MAD1L1: variants seen among roughly 807,000 people sequenced by gnomAD.
MAD1L1 encodes mitotic spindle assembly checkpoint protein MAD1.
Under a neutral mutation model 96.9 loss-of-function variants are expected in MAD1L1, and 95 were observed. The observed-to-expected ratio is 0.98, with a 90% CI of 0.83 to 1.16. The LOEUF (loss-of-function observed/expected upper bound fraction) is 1.16, where lower values mean the gene tolerates loss of function less well. Ranked by LOEUF, MAD1L1 falls within the 50% of genes most tolerant of loss-of-function variation. The pLI is 0.00. For synonymous variants in MAD1L1, 473 were observed against 396.6 expected (o/e 1.19, Z -2.29); for missense variants, 1,007 against 954.4 (o/e 1.06, Z -0.73).
chr7:1,957,851 T>C, intron 15 of MAD1L1, 132 bp from the exon 16 acceptor site: 1 of 717,810 alleles, frequency 1.4e-6, no homozygotes, highest in Non-Finnish European at 2.4e-6. Flanking sequence ...TACATATCTG[T>C]GAAGCTCTCA....
intron 17 of MAD1L1, among the ~76,000 whole-genome samples, chr7:1,914,476 G>A (rs1411013246): frequency 1.3e-5 from 2 of 152,244 alleles, no homozygotes; most frequent in South Asian, 2.1e-4. Flanking sequence ...GCCAAGGCAC[G>A]TGGGTGCTTC....
intron 18 of MAD1L1, among the ~76,000 whole-genome samples, chr7:1,866,172 G>A (rs1011271830): frequency 6.6e-6 from 1 of 152,206 alleles, no homozygotes; most frequent in African/African-American, 2.4e-5. Flanking sequence ...GGTGCACACT[G>A]GGAGCCAGGT....
chr7:1,982,531 T>C (rs775725447), intron 14 of MAD1L1, among the ~76,000 whole-genome samples: 1 of 152,192 alleles, frequency 6.6e-6, no homozygotes, highest in Non-Finnish European at 1.5e-5. Context: ...TTCTAACTTA[T>C]CTTTGTATAC....
intron 12 of MAD1L1, among the ~76,000 whole-genome samples, chr7:2,016,073 A>G (rs1259899575): frequency 6.6e-6 from 1 of 152,164 alleles, no homozygotes; most frequent in African/African-American, 2.4e-5. Flanking sequence ...TGTTGATAAG[A>G]TGGGAAATGG....
chr7:1,843,957 T>C (rs1477233006), intron 18 of MAD1L1, among the ~76,000 whole-genome samples: 1 of 152,188 alleles, frequency 6.6e-6, no homozygotes, highest in African/African-American at 2.4e-5. Context: ...ACTCAGAAGT[T>C]TGGTTTCTTC....
Position 2,138,029 on chromosome 7 carries a change from C to T in MAD1L1, c.1073+11123G>A, listed in dbSNP as rs143158760. Among the ~76,000 whole-genome samples, 253 of 152,356 alleles carry T rather than the reference C, an allele frequency of 1.7e-3. 1 individual carries two copies. The highest frequency in any genetic ancestry group is 6.8e-3 in the Middle Eastern group (2 of 294). On this transcript the variant is annotated intron_variant, in intron 11 of 18. Coordinates refer to ENST00000265854, the MANE Select transcript of MAD1L1 (RefSeq NM_001013836.2). ...TCACAGGGCGTTTCTGTACTGACAG[C>T]GCGGGCCAGCCCATGATCAGAGCAC... is the stretch of plus-strand genomic sequence containing the variant.
intron 18 of MAD1L1, among the ~76,000 whole-genome samples, chr7:1,897,617 G>T (rs569119174): frequency 6.6e-6 from 1 of 152,318 alleles, no homozygotes; most frequent in South Asian, 2.1e-4. Context: ...GTTGGACCCC[G>T]CTCGCCCGAG....
intron 18 of MAD1L1, among the ~76,000 whole-genome samples, chr7:1,886,132 G>A (rs1265764751): frequency 6.6e-6 from 1 of 152,228 alleles, no homozygotes; most frequent in Non-Finnish European, 1.5e-5. Context: ...GCAGCACTGT[G>A]AGGGCCAGGT....
rs375668925 is a variant in MAD1L1, at chr7:2,097,047, C to T, written c.1074-27709G>A. Among the ~76,000 whole-genome samples, 380 of 152,284 alleles carry T rather than the reference C, an allele frequency of 2.5e-3. 1 individual carries two copies. Among genetic ancestry groups the T allele is most frequent in the African/African-American group, 8.9e-3 (370 of 41,538 alleles). ...TGACATGGTTATGATAAACGCACCA[C>T]GGGTATCCCCCACACCAGCTGCAAG... On this transcript the variant is annotated intron_variant, in intron 11 of 18. Coordinates refer to ENST00000265854, the MANE Select transcript of MAD1L1 (RefSeq NM_001013836.2).
At chr7:1,924,268 G>T (rs545853661) in intron 17 of MAD1L1, among the ~76,000 whole-genome samples, 1 of 152,318 alleles carries the variant, frequency 6.6e-6, no homozygotes, top group East Asian at 1.9e-4. Flanking sequence ...TCCTTCTCGC[G>T]GCAGGGTGGC....
intron 16 of MAD1L1, among the ~76,000 whole-genome samples, chr7:1,952,112 T>C (rs1779525171): frequency 6.6e-6 from 1 of 152,094 alleles, no homozygotes; most frequent in Admixed American, 6.5e-5. Flanking sequence ...CTTTCCTTTC[T>C]CCCTAGGCTG....
At chr7:2,045,751 C>T (rs778841958) in intron 12 of MAD1L1, among the ~76,000 whole-genome samples, 11 of 151,982 alleles carry the variant, frequency 7.2e-5, no homozygotes, top group Non-Finnish European at 1.6e-4. Context: ...GGGAGGGGAG[C>T]GGGACATGGG....
At chr7:2,201,671 T>C (rs1792307570) in intron 10 of MAD1L1, among the ~76,000 whole-genome samples, 1 of 152,126 alleles carries the variant, frequency 6.6e-6, no homozygotes, top group African/African-American at 2.4e-5. Flanking sequence ...CGAGACCAAG[T>C]GATAGCGTTT....
At chr7:1,938,472 T>G (rs1778727610) in intron 16 of MAD1L1, among the ~76,000 whole-genome samples, 1 of 151,736 alleles carries the variant, frequency 6.6e-6, no homozygotes, top group African/African-American at 2.4e-5. Flanking sequence ...ACTGAAACAG[T>G]GGAAAGGCAC....
chr7:2,068,199 G>A (rs1260367027), intron 12 of MAD1L1, among the ~76,000 whole-genome samples: 1 of 152,224 alleles, frequency 6.6e-6, no homozygotes, highest in African/African-American at 2.4e-5. Flanking sequence ...TCTGAGCTAT[G>A]CGCAGGGGCC....
At chr7:1,861,356 A>C (rs1051786473) in intron 18 of MAD1L1, among the ~76,000 whole-genome samples, 9 of 152,178 alleles carry the variant, frequency 5.9e-5, no homozygotes, top group African/African-American at 2.2e-4. Context: ...GTGGGGACTA[A>C]AGGCCACAAG....
chr7:2,067,384 C>T (rs1467900859), intron 12 of MAD1L1, among the ~76,000 whole-genome samples: 2 of 152,130 alleles, frequency 1.3e-5, no homozygotes, highest in Non-Finnish European at 2.9e-5. Context: ...AGAGAAAGGC[C>T]CAGCTCCCAG....
At chr7:2,165,943 G>T (rs982626326) in intron 10 of MAD1L1, among the ~76,000 whole-genome samples, 7 of 152,186 alleles carry the variant, frequency 4.6e-5, no homozygotes, top group African/African-American at 1.7e-4. Flanking sequence ...ACTCCAGTGT[G>T]GTTACTGTGG....
At chr7:2,036,547 C>T (rs1783445713) in intron 12 of MAD1L1, among the ~76,000 whole-genome samples, 1 of 152,194 alleles carries the variant, frequency 6.6e-6, no homozygotes, top group Non-Finnish European at 1.5e-5. Context: ...GCCAATATAT[C>T]AAAATTAAAT....
Sources: allele counts gnomAD v4.1 joint callset (sites outside exome capture counted in the v4.1 genomes callset), GRCh38; gene constraint gnomAD v4.1.1; transcripts MANE v1.5; gene names NCBI Gene and HGNC (gene_info 2026-07-23, HGNC 2026-07-21).